The following RBM33 variants were observed in gnomAD, a reference collection of about 807,000 sequenced individuals.
RBM33 encodes RNA-binding protein 33.
Under a neutral mutation model 132.6 loss-of-function variants are expected in RBM33, and 28 were observed. The observed-to-expected ratio is 0.21, with a 90% CI of 0.16 to 0.29. The LOEUF is 0.29. Among genes scored for constraint, RBM33 ranks in the 10% least tolerant of loss-of-function variants. The probability of loss-of-function intolerance (pLI) is 1.00; values close to 1 mark genes in which losing one functional copy is unlikely to be tolerated. For missense variants in RBM33, 1,291 were observed against 1,518.5 expected (o/e 0.85, Z 2.49); for synonymous variants, 634 against 593.0 (o/e 1.07, Z -1.01).
At chr7:155,723,179 T>G (rs1362356200) in intron 9 of RBM33, among the ~76,000 whole-genome samples, 1 of 152,198 alleles carries the variant, frequency 6.6e-6, no homozygotes, top group Non-Finnish European at 1.5e-5. Context: ...GCAAATCATG[T>G]TTGATGAGAC....
In RBM33 at chr7:155,739,908, T is replaced by C; in HGVS notation, c.1931T>C (p.Val644Ala). 1 of 1,547,672 alleles carries C rather than the reference T, an allele frequency of 6.5e-7. No individual in the cohort carries two copies. The highest frequency in any genetic ancestry group is 1.4e-5 in the African/African-American group (1 of 71,788). The change falls in exon 12 of 18, where the codon GTC becomes GCC. Residue 644 changes from valine to alanine, a missense_variant. Physicochemically the swap from Val to Ala is moderately conservative, Grantham distance 64. Around this residue, in one of 7 missense-constraint regions of RBM33, gnomAD observed 841 missense variants for 912.0 expected, o/e 0.92. Coordinates refer to ENST00000401878, the MANE Select transcript of RBM33 (RefSeq NM_053043.3). ...CACCACCACCACCACCACCTGTCCG[T>C]CCCGCCCCCTCCTTTGATGCCGATG... ...QHHHHHHHLS[V>A]PPPPLMPMSQ...
intron 14 of RBM33, among the ~76,000 whole-genome samples, chr7:155,747,781 A>C (rs571473569): frequency 6.6e-6 from 1 of 152,248 alleles, no homozygotes; most frequent in African/African-American, 2.4e-5. Flanking sequence ...GCACATTGGC[A>C]CTTTTGACCT....
chr7:155,761,826 T>G (rs181097389), intron 14 of RBM33, among the ~76,000 whole-genome samples: 1 of 152,200 alleles, frequency 6.6e-6, no homozygotes, highest in East Asian at 1.9e-4. Flanking sequence ...TTTGATTTCC[T>G]TTTTTGAGGA....
chr7:155,645,282 G>T, intron 1 of RBM33: 1 of 220,946 alleles, frequency 4.5e-6, no homozygotes, highest in Middle Eastern at 1.5e-3. Flanking sequence ...CACTTAGGGA[G>T]AGCGGGGCAG....
chr7:155,661,097 G>GGTGTGTGT (rs59345780), intron 1 of RBM33, among the ~76,000 whole-genome samples: 8 of 110,152 alleles, frequency 7.3e-5, no homozygotes, highest in Non-Finnish European at 1.4e-4. Context: ...GTGTGTGTGT[G>GGTGTGTGT]GTGTGTGTGT....
intron 11 of RBM33, 75 bp downstream of exon 11, chr7:155,738,478 T>G: frequency 7.3e-7 from 1 of 1,363,162 alleles, no homozygotes; most frequent in Non-Finnish European, 9.9e-7. Context: ...AGTTTCAGAT[T>G]TTTATTTGAG....
At chr7:155,673,507 TACAC>T (rs771635548) in intron 3 of RBM33, among the ~76,000 whole-genome samples, 27 of 146,162 alleles carry the variant, frequency 1.8e-4, no homozygotes, top group African/African-American at 4.2e-4. Flanking sequence ...CATATATACA[TACAC>T]ACGTGTATAT....
At chr7:155,683,590 G>A (rs1799394426) in intron 5 of RBM33, among the ~76,000 whole-genome samples, 1 of 152,174 alleles carries the variant, frequency 6.6e-6, no homozygotes. Context: ...TGAAGAAAGC[G>A]AGGTCCAGAG....
chr7:155,732,286 A>G (rs1401036433), intron 9 of RBM33, among the ~76,000 whole-genome samples: 1 of 152,248 alleles, frequency 6.6e-6, no homozygotes, highest in Non-Finnish European at 1.5e-5. Flanking sequence ...AAAAATTTTC[A>G]CACCCAGTGA....
intron 3 of RBM33, among the ~76,000 whole-genome samples, chr7:155,678,316 T>TAA (rs1799243716): frequency 1.3e-5 from 2 of 152,352 alleles, no homozygotes; most frequent in Middle Eastern, 3.4e-3. Flanking sequence ...TATTTGTTCG[T>TAA]AAGCTTCCAC....
At chr7:155,722,862 A>AT (rs775441930) in intron 9 of RBM33, among the ~76,000 whole-genome samples, 72 of 152,326 alleles carry the variant, frequency 4.7e-4, no homozygotes, top group Admixed American at 5.2e-4. Flanking sequence ...CAGTCCTTTG[A>AT]TTTTACATTG....
At position 155,745,646 on chromosome 7, in the gene RBM33, C is replaced by G; in HGVS notation, c.2979+44C>G. The G allele has an allele frequency of 6.9e-7, 1 of 1,452,424 alleles. No homozygotes were observed. The highest frequency in any genetic ancestry group is 9.2e-7 in the Non-Finnish European group (1 of 1,081,760). 90.0% of individuals were successfully genotyped at this position (1,452,424 alleles called of 1,614,324 possible). On this transcript the variant is annotated intron_variant, in intron 14 of 17. Transcript: ENST00000401878. This position sits in a 1 kb window ranked among gnomAD's most constrained non-coding sequence, Gnocchi z 4.1. ...TGAGAGCCTCTTTGAGTCTGTGTAT[C>G]ACATAGAATGTCCTCATTTGCAGAG...
intron 5 of RBM33, among the ~76,000 whole-genome samples, chr7:155,686,415 G>A (rs1223521163): frequency 6.6e-6 from 1 of 152,098 alleles, no homozygotes; most frequent in Non-Finnish European, 1.5e-5. Flanking sequence ...AAATAGTTGA[G>A]AGAGAAACCA....
chr7:155,742,135 T>G, intron 13 of RBM33, 29 bp downstream of exon 13: 1 of 1,574,824 alleles, frequency 6.3e-7, no homozygotes, highest in Non-Finnish European at 8.7e-7. Flanking sequence ...TAACAAATGT[T>G]GGTCTCAAAC....
intron 1 of RBM33, among the ~76,000 whole-genome samples, chr7:155,646,683 C>T (rs1404897315): frequency 1.3e-5 from 2 of 152,146 alleles, no homozygotes; most frequent in African/African-American, 4.8e-5. Context: ...AATGTATGTC[C>T]GTTGCTCTTG....
At chr7:155,673,794 A>ACACACACACACACC (rs1554469974) in intron 3 of RBM33, among the ~76,000 whole-genome samples, 1 of 143,170 alleles carries the variant, frequency 7.0e-6, no homozygotes, top group Non-Finnish European at 1.5e-5. Context: ...ACACACACAC[A>ACACACACACACACC]CACACACCCC....
At chr7:155,740,619 G>A (rs6978746) in intron 12 of RBM33, among the ~76,000 whole-genome samples, 5,483 of 152,232 alleles carry the variant, frequency 0.036, 324 homozygotes, top group African/African-American at 0.12. Flanking sequence ...GTGACTTGTC[G>A]TGCATTAAAA....
chr7:155,759,612 G>A (rs1449963633), intron 14 of RBM33, among the ~76,000 whole-genome samples: 1 of 151,882 alleles, frequency 6.6e-6, no homozygotes. Flanking sequence ...GTAGAGACGG[G>A]GTTTCACCGT....
At chr7:155,693,574 C>G (rs1412527283) in intron 5 of RBM33, among the ~76,000 whole-genome samples, 1 of 151,538 alleles carries the variant, frequency 6.6e-6, no homozygotes, top group African/African-American at 2.4e-5. Flanking sequence ...CTTTTTTTAT[C>G]CTTTCCTTGA....
Sources: allele counts gnomAD v4.1 joint callset (sites outside exome capture counted in the v4.1 genomes callset), GRCh38; gene constraint gnomAD v4.1.1; regional missense constraint gnomAD v4.1.1; non-coding constraint Gnocchi (gnomAD v3.1); transcripts MANE v1.5; gene names NCBI Gene and HGNC (gene_info 2026-07-23, HGNC 2026-07-21).